The following ANO4 variants were observed in gnomAD, a reference collection of about 807,000 sequenced individuals.
The protein encoded by ANO4 is anoctamin-4.
Under a neutral mutation model 141.9 loss-of-function variants are expected in ANO4, and 69 were observed. That is an observed-to-expected ratio of 0.49 (90% CI 0.40 to 0.59). The LOEUF (loss-of-function observed/expected upper bound fraction) is 0.59, where lower values mean the gene tolerates loss of function less well. Ranked by LOEUF, ANO4 falls within the 20% of genes least tolerant of loss-of-function variation. The probability of loss-of-function intolerance (pLI) is 0.00; values close to 1 mark genes in which losing one functional copy is unlikely to be tolerated. For synonymous variants in ANO4, 350 were observed against 394.3 expected, an observed-to-expected ratio of 0.89 and a Z score of 1.33; for missense variants, 894 against 1,162.2, an observed-to-expected ratio of 0.77 and a Z score of 3.36.
chr12:100,983,684 C>T (rs2136319020), intron 7 of ANO4, among the ~76,000 whole-genome samples: 1 of 152,298 alleles, frequency 6.6e-6, no homozygotes, highest in South Asian at 2.1e-4. Context: ...GCTTCTCAAA[C>T]TTTGAATCTC....
chr12:100,852,091 A>T (rs1327177489), intron 1 of ANO4, among the ~76,000 whole-genome samples: 1 of 152,140 alleles, frequency 6.6e-6, no homozygotes, highest in African/African-American at 2.4e-5. Context: ...ACCTGACATG[A>T]CTTACTTTTA....
chr12:101,066,800 G>C, intron 14 of ANO4: 1 of 1,347,370 alleles, frequency 7.4e-7, no homozygotes, highest in South Asian at 1.2e-5. Context: ...ATCTGTATCT[G>C]TGGACCTGAA....
intron 2 of ANO4, 44 bp from the exon 3 acceptor site, chr12:100,922,182 C>A: frequency 7.0e-7 from 1 of 1,418,676 alleles, no homozygotes; most frequent in Non-Finnish European, 9.4e-7. Context: ...GACAGACTCT[C>A]TGATAACCAG....
intron 1 of ANO4, among the ~76,000 whole-genome samples, chr12:100,877,987 C>T (rs539867869): frequency 1.1e-4 from 16 of 152,236 alleles, no homozygotes; most frequent in African/African-American, 2.4e-4. Context: ...CCCCTAGTGG[C>T]GAGCAGGTGA....
In ANO4 at chr12:101,079,262, G is replaced by T; in HGVS notation, c.1382G>T (p.Trp461Leu). ...VIAYDWDLID[W>L]EEEEEEIRPQ... ...GCTTATGACTGGGATTTGATAGACT[G>T]GGAAGAAGAGGAGGTTTGTATCATT... The change falls in exon 15 of 28, where the codon TGG becomes TTG. Residue 461 changes from tryptophan to leucine, a missense_variant. Trp to Leu is a moderately conservative substitution (Grantham distance 61, BLOSUM62 -2). Coordinates refer to ENST00000392977, the MANE Select transcript of ANO4 (RefSeq NM_001286615.2). The T allele has an allele frequency of 6.2e-7, 1 of 1,613,704 alleles. No individual in the cohort carries two copies. Among genetic ancestry groups the T allele is most frequent in the Non-Finnish European group, 8.5e-7 (1 of 1,179,678 alleles).
chr12:100,858,990 A>G (rs1385910809), intron 1 of ANO4: 1 of 152,208 alleles, frequency 6.6e-6, no homozygotes, highest in African/African-American at 2.4e-5. Context: ...AAGAAGAGGA[A>G]TGCTTGAGGA....
chr12:101,111,545 A>G lies in ANO4; in HGVS notation c.2303-18A>G, dbSNP rs118189471. The G allele has an allele frequency of 2.2e-3, 3,555 of 1,588,068 alleles. 131 individuals are homozygous for G. In the East Asian group the frequency reaches 0.065, roughly 29 times the overall value. Reference sequence around the variant, plus strand: ...CTGTTTTGTGTATGGAACTAACACAACACTTCTATTTGAATAGGAATTTGG... The same window carrying G: ...CTGTTTTGTGTATGGAACTAACACAGCACTTCTATTTGAATAGGAATTTGG... On this transcript the variant is annotated intron_variant, in intron 23 of 27. Transcript: ENST00000392977.
intron 7 of ANO4, among the ~76,000 whole-genome samples, chr12:100,978,987 G>A (rs1165235655): frequency 1.3e-5 from 2 of 152,182 alleles, no homozygotes; most frequent in East Asian, 3.9e-4. Flanking sequence ...TGACCTTAGC[G>A]AGGGGAGTGT....
intron 1 of ANO4, among the ~76,000 whole-genome samples, chr12:100,846,950 C>G (rs1468525315): frequency 1.3e-5 from 2 of 152,114 alleles, no homozygotes; most frequent in Non-Finnish European, 1.5e-5. Flanking sequence ...TCCACACCCC[C>G]CCCCAACTTC....
intron 1 of ANO4, among the ~76,000 whole-genome samples, chr12:100,826,873 C>T (rs1296086359): frequency 3.9e-5 from 6 of 151,940 alleles, no homozygotes; most frequent in Admixed American, 3.9e-4. Flanking sequence ...TTTTTCACAT[C>T]CCACATCTGT....
intron 1 of ANO4, among the ~76,000 whole-genome samples, chr12:100,864,912 C>T (rs1418141002): frequency 1.3e-5 from 2 of 152,062 alleles, no homozygotes; most frequent in East Asian, 1.9e-4. Flanking sequence ...TGTTCAACTC[C>T]CACTTATGAG....
intron 1 of ANO4, among the ~76,000 whole-genome samples, chr12:100,861,350 A>C (rs771198025): frequency 6.6e-6 from 1 of 152,206 alleles, no homozygotes; most frequent in East Asian, 1.9e-4. Flanking sequence ...GATATGGTCT[A>C]TTGCTCCTAG....
In ANO4 at chr12:101,126,920, C is replaced by T; in HGVS notation, c.2718C>T (p.Ile906=). 2 of 1,614,078 alleles carry T rather than the reference C, an allele frequency of 1.2e-6. No individual in the cohort carries two copies. Among genetic ancestry groups the T allele is most frequent in the Non-Finnish European group, 1.7e-6 (2 of 1,179,990 alleles). The change falls in exon 27 of 28, where the codon ATC becomes ATT. Residue 906 remains isoleucine, a synonymous_variant. Coordinates refer to ENST00000392977, the MANE Select transcript of ANO4 (RefSeq NM_001286615.2). ...TAAAGCACCTCATTTCATATCTGATCCCAGACCTCCCAAAAGACCTAAGGG... is the reference window on the plus strand; with the variant it reads ...TAAAGCACCTCATTTCATATCTGATTCCAGACCTCCCAAAAGACCTAAGGG... ...FCIKHLISYL[I]PDLPKDLRDR...
intron 14 of ANO4, among the ~76,000 whole-genome samples, chr12:101,074,573 AGCAAG>A (rs1566210176): frequency 6.6e-6 from 1 of 152,216 alleles, no homozygotes. Flanking sequence ...TGTGGAGGAA[AGCAAG>A]AAAGAATCTT....
At chr12:101,108,629 A>C (rs2050541739) in intron 22 of ANO4, among the ~76,000 whole-genome samples, 1 of 152,168 alleles carries the variant, frequency 6.6e-6, no homozygotes, top group African/African-American at 2.4e-5. Flanking sequence ...TAAAGTTTGT[A>C]AATATATTTT....
chr12:101,096,224 G>A (rs533430953), intron 18 of ANO4, among the ~76,000 whole-genome samples: 1 of 152,308 alleles, frequency 6.6e-6, no homozygotes, highest in African/African-American at 2.4e-5. Context: ...CTGGGAATGA[G>A]GCCTCGACAG....
At chr12:100,755,009 A>G (rs1281183698) in intron 3 of ANO4, among the ~76,000 whole-genome samples, 1 of 152,202 alleles carries the variant, frequency 6.6e-6, no homozygotes, top group Admixed American at 6.5e-5. Flanking sequence ...TTATGAATGT[A>G]CTGAATGTCA....
chr12:100,729,397 A>G, intron 1 of ANO4, among the ~76,000 whole-genome samples: 1 of 144,540 alleles, frequency 6.9e-6, no homozygotes, highest in East Asian at 2.0e-4. Flanking sequence ...AAAAGGTAAC[A>G]CTAATTGAAC....
intron 7 of ANO4, among the ~76,000 whole-genome samples, chr12:100,985,165 G>C (rs1323071722): frequency 6.6e-6 from 1 of 152,214 alleles, no homozygotes; most frequent in African/African-American, 2.4e-5. Flanking sequence ...AAGAGCCATG[G>C]GGAAGGCCAC....
Sources: gnomAD v4.1 joint callset for allele counts (sites outside exome capture counted in the v4.1 genomes callset) on GRCh38, gnomAD v4.1.1 for gene constraint, MANE v1.5 for transcripts, NCBI Gene and HGNC (gene_info 2026-07-23, HGNC 2026-07-21) for gene names.